CLASP1: variants seen among roughly 807,000 people sequenced by gnomAD.
The protein encoded by CLASP1 is CLIP-associating protein 1.
CLASP1 carries 38 observed loss-of-function variants against 192.3 expected under a neutral mutation model. The observed-to-expected ratio is 0.20, with a 90% CI of 0.15 to 0.26. CLASP1 has a LOEUF of 0.26. Ranked by LOEUF, CLASP1 falls within the 10% of genes least tolerant of loss-of-function variation. CLASP1 has a pLI of 1.00. For synonymous variants in CLASP1, 691 were observed against 712.8 expected, an observed-to-expected ratio of 0.97 and a Z score of 0.49; for missense variants, 1,433 against 1,932.5, an observed-to-expected ratio of 0.74 and a Z score of 4.85.
intron 1 of CLASP1, among the ~76,000 whole-genome samples, chr2:121,624,228 G>C (rs536166978): frequency 1.3e-5 from 2 of 152,104 alleles, no homozygotes; most frequent in South Asian, 4.2e-4. Flanking sequence ...TGGAAGATTA[G>C]GTTATGGATT....
At chr2:121,523,592 CATT>C (rs1227350179) in intron 6 of CLASP1, among the ~76,000 whole-genome samples, 1 of 152,168 alleles carries the variant, frequency 6.6e-6, no homozygotes, top group African/African-American at 2.4e-5. Flanking sequence ...AGAATGTACC[CATT>C]CAAAATTTTA....
chr2:121,461,095 G>C lies in CLASP1; in HGVS notation c.1032+6C>G. ...AAAATGTAATCACATGAAGTCAACA[G>C]CTTACAGCATTTACTCTCTGCTCCC... On this transcript the variant is annotated splice_donor_region_variant and intron_variant, in intron 11 of 39. Coordinates refer to ENST00000263710, the Ensembl canonical transcript of CLASP1. The C allele has an allele frequency of 6.4e-7, 1 of 1,557,178 alleles. No homozygotes were observed. Among genetic ancestry groups the C allele is most frequent in the Non-Finnish European group, 8.8e-7 (1 of 1,139,228 alleles).
At chr2:121,345,870 TCGGTATAGA>T (rs1238998121) in intron 39 of CLASP1, among the ~76,000 whole-genome samples, 2 of 152,188 alleles carry the variant, frequency 1.3e-5, no homozygotes, top group African/African-American at 2.4e-5. Context: ...TTGGCACATG[TCGGTATAGA>T]CGGTGGTGGT....
exon 5 of CLASP1, chr2:121,527,859 T>C: frequency 6.2e-7 from 1 of 1,613,980 alleles, no homozygotes; most frequent in Non-Finnish European, 8.5e-7. Context: ...ATTCTTGTGT[T>C]TGAAGCCTCC....
intron 1 of CLASP1, among the ~76,000 whole-genome samples, chr2:121,635,281 G>A (rs1165084444): frequency 5.3e-5 from 8 of 151,820 alleles, no homozygotes; most frequent in Admixed American, 3.9e-4. Flanking sequence ...TACCTGGAAA[G>A]CATATGAAAT....
chr2:121,624,150 TTTTA>T (rs2067878822), intron 1 of CLASP1, among the ~76,000 whole-genome samples: 1 of 152,162 alleles, frequency 6.6e-6, no homozygotes, highest in African/African-American at 2.4e-5. Context: ...CCATTCTAGA[TTTTA>T]TTTATTATAT....
exon 38 of CLASP1, chr2:121,348,672 A>T: frequency 1.9e-6 from 3 of 1,613,816 alleles, no homozygotes; most frequent in Non-Finnish European, 1.7e-6. Context: ...CTCCGGGTGG[A>T]TGGAACTGGC....
exon 40 of CLASP1, chr2:121,340,503 G>GAAA: frequency 5.3e-6 from 1 of 189,408 alleles, no homozygotes; most frequent in Non-Finnish European, 1.1e-5. Flanking sequence ...GTTATTAACT[G>GAAA]AAAAAAAAAA....
At position 121,377,351 on chromosome 2, in the gene CLASP1, T is replaced by G. The variant is rs142528978; in HGVS notation, c.3642+148A>C. The G allele has an allele frequency of 1.8e-5, 11 of 614,382 alleles. No homozygotes were observed. In the African/African-American group the frequency reaches 2.0e-4, roughly 11 times the overall value. 38.1% of individuals were successfully genotyped at this position (614,382 alleles called of 1,614,324 possible). A position where few individuals can be genotyped will look rare whatever the true frequency, so the allele number is the denominator to read the frequency against. ...CCCATAAATGTGTATAATTATTACA[T>G]GTCAACTAAAACTAAAAGGAAAACA... On this transcript the variant is annotated intron_variant, in intron 34 of 39. Transcript: ENST00000263710.
intron 25 of CLASP1, among the ~76,000 whole-genome samples, chr2:121,404,694 A>G (rs2076658033): frequency 6.6e-6 from 1 of 152,184 alleles, no homozygotes; most frequent in South Asian, 2.1e-4. Flanking sequence ...GTTTTTTCAC[A>G]AACTCTTATT....
chr2:121,548,508 A>T (rs949938456), intron 2 of CLASP1, among the ~76,000 whole-genome samples: 1 of 152,232 alleles, frequency 6.6e-6, no homozygotes, highest in Non-Finnish European at 1.5e-5. Flanking sequence ...ATCCATGAAA[A>T]CTTCACCAAC....
chr2:121,397,099 AG>A (rs1318872080), intron 30 of CLASP1, 40 bp downstream of exon 31: 3 of 1,605,154 alleles, frequency 1.9e-6, no homozygotes, highest in African/African-American at 1.3e-5. Flanking sequence ...ACACAAGCCC[AG>A]GAACAATCTG....
chr2:121,550,741 C>T (rs1323140411), intron 2 of CLASP1, among the ~76,000 whole-genome samples: 2 of 152,028 alleles, frequency 1.3e-5, no homozygotes, highest in East Asian at 1.9e-4. Flanking sequence ...AAACTGAATT[C>T]GTAATAAAAA....
At chr2:121,407,808 G>C in intron 24 of CLASP1, 93 bp from the exon 26 acceptor site, 1 of 1,427,246 alleles carries the variant, frequency 7.0e-7, no homozygotes. Flanking sequence ...ACAACAAAGA[G>C]TTAAGTGTAA....
chr2:121,529,403 A>G (rs1359007899), intron 3 of CLASP1, among the ~76,000 whole-genome samples: 5 of 152,226 alleles, frequency 3.3e-5, no homozygotes, highest in African/African-American at 9.6e-5. Flanking sequence ...AAAATGGAAC[A>G]CTATTAAAAT....
chr2:121,349,473 G>C (rs945231734), intron 37 of CLASP1, among the ~76,000 whole-genome samples: 3 of 152,102 alleles, frequency 2.0e-5, no homozygotes, highest in Non-Finnish European at 4.4e-5. Flanking sequence ...AGAAGACTAG[G>C]ACCTGAATAC....
chr2:121,576,598 C>A (rs2060544060), intron 2 of CLASP1, among the ~76,000 whole-genome samples: 1 of 152,108 alleles, frequency 6.6e-6, no homozygotes. Context: ...TAGCTCTGTG[C>A]CCTCTGACAT....
chr2:121,535,115 GA>G (rs905779072), intron 2 of CLASP1, among the ~76,000 whole-genome samples: 2 of 152,058 alleles, frequency 1.3e-5, no homozygotes, highest in African/African-American at 4.8e-5. Flanking sequence ...CCACCTCTAC[GA>G]AAAAATACAA....
intron 34 of CLASP1, among the ~76,000 whole-genome samples, chr2:121,369,552 C>T (rs2068156881): frequency 6.6e-6 from 1 of 152,024 alleles, no homozygotes; most frequent in African/African-American, 2.4e-5. Context: ...AAAAATAAAG[C>T]TCAACTCCCA....
Sources: gnomAD v4.1 joint callset for allele counts (sites outside exome capture counted in the v4.1 genomes callset) on GRCh38, gnomAD v4.1.1 for gene constraint, MANE v1.5 for transcripts, NCBI Gene and HGNC (gene_info 2026-07-23, HGNC 2026-07-21) for gene names.